The following POTEJ variants were observed in gnomAD, a reference collection of about 807,000 sequenced individuals.
POTEJ encodes the protein POTE ankyrin domain family member J.
In POTEJ, 11 loss-of-function variants were observed where a neutral mutation model predicts 69.0. That is an observed-to-expected ratio of 0.16 (90% CI 0.10 to 0.26). POTEJ has a LOEUF of 0.26. POTEJ is among the 10% of genes least tolerant of loss of function. The pLI is 1.00. For missense variants in POTEJ, 327 were observed against 1,045.5 expected (o/e 0.31, Z 9.48); for synonymous variants, 117 against 381.1 (o/e 0.31, Z 8.07).
chr2:130,618,639 C>T (rs1441056763), intron 3 of POTEJ, among the ~76,000 whole-genome samples: 191 of 145,776 alleles, frequency 1.3e-3, no homozygotes, highest in African/African-American at 5.2e-3. Context: ...TCTGGATACA[C>T]TCCTGCTTAA....
chr2:130,641,098 T>G (rs1177776949), intron 10 of POTEJ, among the ~76,000 whole-genome samples: 1 of 152,074 alleles, frequency 6.6e-6, no homozygotes, highest in Non-Finnish European at 1.5e-5. Context: ...AAAGCCACCA[T>G]GATTATATGT....
chr2:130,637,434 A>T (rs1185128682), intron 9 of POTEJ, among the ~76,000 whole-genome samples: 1 of 149,926 alleles, frequency 6.7e-6, no homozygotes, highest in Admixed American at 6.7e-5. Flanking sequence ...CAGCCTCCCA[A>T]GGAGCTGGCC....
Position 130,611,721 on chromosome 2 carries a change from G to A in POTEJ, c.189G>A (p.Lys63=), listed in dbSNP as rs1685214389. 6.4e-7 allele frequency: 1 copy of A among 1,563,420 alleles called. No individual in the cohort carries two copies. Among genetic ancestry groups the A allele is most frequent in the African/African-American group, 1.6e-5 (1 of 62,248 alleles). ...AGACACTCAGGAGCAAGATGGGCAA[G>A]TGGTGCTGCCACTGCTTCCCCTGCT... is the stretch of plus-strand genomic sequence containing the variant. ...TMKTLRSKMG[K]WCCHCFPCCR... The change falls in exon 1 of 15, where the codon AAG becomes AAA. Residue 63 remains lysine, a synonymous_variant. Transcript: ENST00000409602.
At chr2:130,612,748 G>A (rs1201209050) in intron 1 of POTEJ, among the ~76,000 whole-genome samples, 6 of 134,174 alleles carry the variant, frequency 4.5e-5, no homozygotes, top group Non-Finnish European at 9.6e-5. Context: ...GGGAGACAGA[G>A]CGAGATTCCG....
intron 3 of POTEJ, among the ~76,000 whole-genome samples, chr2:130,618,604 G>A (rs537405101): frequency 4.2e-3 from 612 of 146,238 alleles, no homozygotes; most frequent in Non-Finnish European, 6.7e-3. Flanking sequence ...CAACGACGAC[G>A]ACAACAACAA....
intron 10 of POTEJ, among the ~76,000 whole-genome samples, chr2:130,639,495 T>G (rs1283341296): frequency 6.6e-6 from 1 of 152,416 alleles, no homozygotes; most frequent in South Asian, 2.1e-4. Context: ...TCTGCTACCA[T>G]TTGCCAAAAG....
chr2:130,638,068 AC>A lies in POTEJ; in HGVS notation c.1299-550del, dbSNP rs548851669. On this transcript the variant is annotated intron_variant, in intron 9 of 14. Transcript: ENST00000409602. The stretch of plus-strand genomic sequence containing the variant: ...TAGGACTTAATAACGTTTCCTGAAA[AC>A]TACAACATTTGCATATTAGAACCTA... Among the ~76,000 whole-genome samples, 867 of 149,074 alleles carry A rather than the reference AC, an allele frequency of 5.8e-3. 11 individuals carry two copies. The highest frequency in any genetic ancestry group is 0.01 in the Non-Finnish European group (697 of 66,416).
rs1163032490 is a variant in POTEJ, at chr2:130,657,045, A to C, written c.2285A>C (p.Glu762Ala). The C allele has an allele frequency of 3.8e-6, 6 of 1,581,582 alleles. No individual in the cohort carries two copies. The South Asian group carries it at 6.6e-5, about 17-fold the overall frequency. The change falls in exon 15 of 15, where the codon GAG becomes GCG. Residue 762 changes from glutamate (E) to alanine (A), a missense_variant. Coordinates refer to ENST00000409602, the MANE Select transcript of POTEJ (RefSeq NM_001277083.2). Reference sequence around the variant, plus strand: ...TACAACGAGCTGCGTGTGGCCCCCGAGGAGCACCCCATCCTGCTGACCGAG... The same window carrying C: ...TACAACGAGCTGCGTGTGGCCCCCGCGGAGCACCCCATCCTGCTGACCGAG... ...TFYNELRVAP[E>A]EHPILLTEAP...
At chr2:130,641,532 A>C (rs1481706545) in intron 10 of POTEJ, among the ~76,000 whole-genome samples, 1 of 150,494 alleles carries the variant, frequency 6.6e-6, no homozygotes, top group Non-Finnish European at 1.5e-5. Flanking sequence ...AGAGAGGTAT[A>C]GTCAATATGA....
In POTEJ at chr2:130,656,619, T is replaced by C. The variant is rs1686999877; in HGVS notation, c.1859T>C (p.Met620Thr). 6.2e-7 allele frequency: 1 copy of C among 1,609,814 alleles called. No homozygotes were observed. Among genetic ancestry groups the C allele is most frequent in the Non-Finnish European group, 8.5e-7 (1 of 1,179,870 alleles). Residue 620 changes from methionine (M) to threonine (T), a missense_variant, in exon 15 of 15, where the codon ATG becomes ACG. Transcript: ENST00000409602. ...ENSMLREEIA[M>T]LRLELDTMKH... ...AGTATGTTGCGGGAAGAAATTGCCA[T>C]GCTAAGACTGGAGCTAGACACAATG... is the stretch of plus-strand genomic sequence containing the variant.
At chr2:130,614,156 C>CA (rs1330424687) in intron 1 of POTEJ, among the ~76,000 whole-genome samples, 98 of 75,274 alleles carry the variant, frequency 1.3e-3, no homozygotes, top group African/African-American at 4.7e-3. Flanking sequence ...GACTCCATCT[C>CA]AAAAAAAAAA....
At chr2:130,640,756 T>C (rs1332086309) in intron 10 of POTEJ, among the ~76,000 whole-genome samples, 2 of 152,158 alleles carry the variant, frequency 1.3e-5, no homozygotes, top group Non-Finnish European at 2.9e-5. Context: ...ACTGGGAAGG[T>C]AAATACCTGA....
intron 10 of POTEJ, among the ~76,000 whole-genome samples, chr2:130,641,321 G>A (rs371745929): frequency 1.2e-4 from 18 of 151,772 alleles, no homozygotes; most frequent in Admixed American, 5.3e-4. Context: ...GTTTTCACCC[G>A]TCCATGGTGA....
At chr2:130,627,136 A>G (rs1685740507) in intron 6 of POTEJ, among the ~76,000 whole-genome samples, 1 of 152,006 alleles carries the variant, frequency 6.6e-6, no homozygotes, top group African/African-American at 2.4e-5. Context: ...TGAATACCGA[A>G]GAGCAAAGAG....
chr2:130,624,523 G>A (rs1292338865), intron 6 of POTEJ, among the ~76,000 whole-genome samples: 1 of 151,902 alleles, frequency 6.6e-6, no homozygotes, highest in Non-Finnish European at 1.5e-5. Flanking sequence ...TGCTATCACT[G>A]ATCTGACTGG....
At position 130,655,486 on chromosome 2, in the gene POTEJ, G is replaced by T. The variant is rs1452626906; in HGVS notation, c.1788+445G>T. Among the ~76,000 whole-genome samples, 162 of 152,228 alleles carry T rather than the reference G, an allele frequency of 1.1e-3. 1 individual carries two copies. The highest frequency in any genetic ancestry group is 3.8e-3 in the African/African-American group (156 of 41,422). ...CCATTATCCTTACTTTTGCAGAGAG[G>T]AACAGTTTGCTCCAAGTAGTTTCTC... On this transcript the variant is annotated intron_variant, in intron 14 of 14. Transcript: ENST00000409602.
intron 6 of POTEJ, among the ~76,000 whole-genome samples, chr2:130,625,372 G>A (rs1171436084): frequency 1.3e-5 from 2 of 151,994 alleles, no homozygotes; most frequent in Admixed American, 6.5e-5. Flanking sequence ...ATACAGACAG[G>A]AGCTTTTTGT....
intron 10 of POTEJ, among the ~76,000 whole-genome samples, chr2:130,640,863 G>A (rs530622381): frequency 6.1e-4 from 93 of 152,304 alleles, no homozygotes; most frequent in African/African-American, 2.0e-3. Context: ...CAGAAAGAAT[G>A]AGGAATGGCT....
chr2:130,641,173 T>G (rs1277152510), intron 10 of POTEJ, among the ~76,000 whole-genome samples: 2 of 152,090 alleles, frequency 1.3e-5, no homozygotes, highest in Non-Finnish European at 2.9e-5. Context: ...CAGATTGGAT[T>G]TGGCCTGTGG....
Sources: gnomAD v4.1 joint callset for allele counts (sites outside exome capture counted in the v4.1 genomes callset) on GRCh38, gnomAD v4.1.1 for gene constraint, MANE v1.5 for transcripts, NCBI Gene and HGNC (gene_info 2026-07-23, HGNC 2026-07-21) for gene names.